The following MITF variants were observed in gnomAD, a reference collection of about 807,000 sequenced individuals.
MITF encodes the protein microphthalmia-associated transcription factor.
MITF carries 17 observed loss-of-function variants against 60.5 expected under a neutral mutation model. The ratio of observed to expected loss-of-function variants is 0.28; its 90% confidence interval spans 0.19 to 0.42. The LOEUF is 0.42. Ranked by LOEUF, MITF falls within the 10% of genes least tolerant of loss-of-function variation. The pLI is 1.00. For synonymous variants in MITF, 260 were observed against 248.5 expected (o/e 1.05, Z -0.43); for missense variants, 622 against 683.5 (o/e 0.91, Z 1.00).
intron 1 of MITF, among the ~76,000 whole-genome samples, chr3:69,840,351 C>T (rs933920674): frequency 2.6e-5 from 4 of 152,122 alleles, no homozygotes; most frequent in Non-Finnish European, 2.9e-5. Context: ...CTTAATCCAT[C>T]GTGTCACATA....
chr3:69,964,140 C>G (rs1291686162), intron 9 of MITF, among the ~76,000 whole-genome samples: 2 of 151,978 alleles, frequency 1.3e-5, no homozygotes, highest in South Asian at 4.1e-4. Flanking sequence ...CCACACCTGG[C>G]TAATTTTTGT....
At chr3:69,763,234 T>C (rs763453997) in intron 1 of MITF, among the ~76,000 whole-genome samples, 1 of 152,154 alleles carries the variant, frequency 6.6e-6, no homozygotes, top group South Asian at 2.1e-4. Flanking sequence ...ATTTTGGGGG[T>C]TGGAAGATTT....
At chr3:69,903,689 C>A (rs2065039741) in intron 2 of MITF, among the ~76,000 whole-genome samples, 1 of 152,104 alleles carries the variant, frequency 6.6e-6, no homozygotes. Flanking sequence ...CCAACCAATT[C>A]AGACTCACTA....
At chr3:69,907,477 A>G (rs1359619331) in intron 2 of MITF, among the ~76,000 whole-genome samples, 2 of 152,104 alleles carry the variant, frequency 1.3e-5, no homozygotes, top group South Asian at 2.1e-4. Flanking sequence ...CATGAAAGTT[A>G]TATTCTACTG....
chr3:69,953,662 T>TAGAGAG lies in MITF; in HGVS notation c.955+1798_955+1803dup, dbSNP rs776961961. On this transcript the variant is annotated intron_variant, in intron 7 of 9. Coordinates refer to ENST00000352241, the MANE Select transcript of MITF (RefSeq NM_001354604.2). ...ATATATGTATGTATATATATATATA[T>TAGAGAG]AGAGAGAGAGAGAGAGAGAGAGAGA... Among the ~76,000 whole-genome samples, 239 of 136,554 alleles carry TAGAGAG rather than the reference T, an allele frequency of 1.8e-3. 1 individual carries two copies. Among genetic ancestry groups the TAGAGAG allele is most frequent in the African/African-American group, 5.6e-3 (211 of 37,678 alleles). 89.6% of individuals were successfully genotyped at this position (136,554 alleles called of 152,430 possible).
chr3:69,822,268 A>G (rs1204598414), intron 1 of MITF, among the ~76,000 whole-genome samples: 1 of 152,196 alleles, frequency 6.6e-6, no homozygotes, highest in Non-Finnish European at 1.5e-5. Context: ...CATGTGGTAG[A>G]CATCATACCT....
chr3:69,766,442 G>C (rs2062296162), intron 1 of MITF, among the ~76,000 whole-genome samples: 1 of 142,744 alleles, frequency 7.0e-6, no homozygotes, highest in Non-Finnish European at 1.5e-5. Flanking sequence ...GGCCAGGCTG[G>C]TCTTGAACTC....
At chr3:69,741,438 A>G (rs1224783072) in intron 1 of MITF, among the ~76,000 whole-genome samples, 53 of 152,170 alleles carry the variant, frequency 3.5e-4, no homozygotes, top group Non-Finnish European at 2.9e-5. Flanking sequence ...AATCAGTTTG[A>G]GAGAGCGAGG....
chr3:69,915,466 C>T (rs2065313617), intron 2 of MITF, among the ~76,000 whole-genome samples: 1 of 151,288 alleles, frequency 6.6e-6, no homozygotes, highest in South Asian at 2.1e-4. Flanking sequence ...AATGATATTG[C>T]CACTTCATAT....
Position 69,958,101 on chromosome 3 carries a change from A to T in MITF, c.1032-1172A>T, listed in dbSNP as rs548526780. ...TTTCTTAAACTCAGAAGCATAATTGATTGATTGGATCTCACAAGGAAGCAA... is the reference window on the plus strand; with the variant it reads ...TTTCTTAAACTCAGAAGCATAATTGTTTGATTGGATCTCACAAGGAAGCAA... On this transcript the variant is annotated intron_variant, in intron 8 of 9. Coordinates refer to ENST00000352241, the MANE Select transcript of MITF (RefSeq NM_001354604.2). Among the ~76,000 whole-genome samples the T allele has an allele frequency of 3.3e-5, 5 of 152,338 alleles. No homozygotes were observed. In the South Asian group the frequency reaches 6.2e-4, roughly 19 times the overall value.
intron 2 of MITF, among the ~76,000 whole-genome samples, chr3:69,922,395 T>C (rs1479370261): frequency 6.6e-6 from 1 of 152,158 alleles, no homozygotes; most frequent in African/African-American, 2.4e-5. Context: ...CTAATTTTTA[T>C]ATTTTTAGTA....
At chr3:69,848,803 TC>T (rs2063774332) in intron 1 of MITF, among the ~76,000 whole-genome samples, 2 of 151,998 alleles carry the variant, frequency 1.3e-5, no homozygotes, top group Non-Finnish European at 1.5e-5. Context: ...ACCACAGACA[TC>T]CCAAAGACTT....
At chr3:69,880,543 A>G (rs1471440398) in intron 2 of MITF, among the ~76,000 whole-genome samples, 1 of 152,140 alleles carries the variant, frequency 6.6e-6, no homozygotes, top group African/African-American at 2.4e-5. Flanking sequence ...ATTGTTTGAA[A>G]TTCTGGATAT....
chr3:69,790,535 C>A lies in MITF; in HGVS notation c.104+50834C>A, dbSNP rs148139867. ...AATTTTAAAAATTTCACATTTATCA[C>A]CTGGCACTAATTTTACTACTTCATT... On this transcript the variant is annotated intron_variant, in intron 1 of 9. Coordinates refer to ENST00000352241, the MANE Select transcript of MITF (RefSeq NM_001354604.2). Among the ~76,000 whole-genome samples the A allele has an allele frequency of 9.4e-4, 143 of 152,252 alleles. No homozygotes were observed. The Middle Eastern group carries it at 0.014, about 14-fold the overall frequency.
intron 1 of MITF, among the ~76,000 whole-genome samples, chr3:69,764,655 G>A (rs2062262537): frequency 6.6e-6 from 1 of 152,200 alleles, no homozygotes; most frequent in African/African-American, 2.4e-5. Context: ...TACCCTGGGT[G>A]AAGGGTTTTG....
At chr3:69,780,877 G>A (rs1488333361) in intron 1 of MITF, among the ~76,000 whole-genome samples, 1 of 152,158 alleles carries the variant, frequency 6.6e-6, no homozygotes, top group Non-Finnish European at 1.5e-5. Context: ...TTCACTGTGG[G>A]AAGGGACTGC....
intron 2 of MITF, among the ~76,000 whole-genome samples, chr3:69,885,298 C>T (rs1319345669): frequency 3.9e-5 from 6 of 152,072 alleles, no homozygotes; most frequent in African/African-American, 7.2e-5. Context: ...GGCTCCTCCT[C>T]GTTTTCTCCT....
intron 1 of MITF, among the ~76,000 whole-genome samples, chr3:69,822,810 A>G (rs1298985128): frequency 1.3e-5 from 2 of 151,952 alleles, no homozygotes; most frequent in Non-Finnish European, 2.9e-5. Flanking sequence ...TTTTTTTCCT[A>G]AAGTCTTTTT....
chr3:69,959,915 G>C (rs116430718), intron 9 of MITF, among the ~76,000 whole-genome samples: 2,469 of 152,282 alleles, frequency 0.016, 17 homozygotes, highest in Middle Eastern at 0.027. Flanking sequence ...GCTTCGTTCA[G>C]GCATGAGCTA....
Sources: gnomAD v4.1 joint callset for allele counts (sites outside exome capture counted in the v4.1 genomes callset) on GRCh38, gnomAD v4.1.1 for gene constraint, MANE v1.5 for transcripts, NCBI Gene and HGNC (gene_info 2026-07-23, HGNC 2026-07-21) for gene names.